KIF1A: variants seen among roughly 807,000 people sequenced by gnomAD.
The protein encoded by KIF1A is kinesin-like protein KIF1A.
A neutral mutation model predicts 227.3 loss-of-function variants in KIF1A; 46 were observed. The observed-to-expected ratio is 0.20, with a 90% CI of 0.16 to 0.26. The LOEUF is 0.26. Among genes scored for constraint, KIF1A ranks in the 10% least tolerant of loss-of-function variants. KIF1A has a pLI of 1.00. For synonymous variants in KIF1A, 1,022 were observed against 1,012.8 expected (o/e 1.01, Z -0.17); for missense variants, 1,683 against 2,485.9 (o/e 0.68, Z 6.87).
In KIF1A at chr2:240,769,653, C is replaced by T; in HGVS notation, c.1395G>A (p.Arg465=). The stretch of plus-strand genomic sequence containing the variant: ...TCTCCATCCGGATGGCTTCTGTCCG[C>T]CGCAGCTTCTCCTCCCAGGTCTCAT... ...ELNETWEEKL[R]RTEAIRMERE... is the part of the protein sequence containing the mutation. The change falls in exon 16 of 49, where the codon CGG becomes CGA. Residue 465 remains arginine, a synonymous_variant. Coordinates refer to ENST00000498729, the MANE Select transcript of KIF1A (RefSeq NM_001244008.2). 2 of 1,613,510 alleles carry T rather than the reference C, an allele frequency of 1.2e-6. No homozygotes were observed. The highest frequency in any genetic ancestry group is 1.7e-6 in the Non-Finnish European group (2 of 1,179,760).
intron 10 of KIF1A, among the ~76,000 whole-genome samples, chr2:240,780,143 G>A (rs1685008980): frequency 1.3e-5 from 2 of 151,480 alleles, no homozygotes; most frequent in Admixed American, 6.6e-5. Context: ...CAGATCCCCC[G>A]AGTCCCTGAC....
intron 38 of KIF1A, among the ~76,000 whole-genome samples, chr2:240,728,170 G>C (rs1030713645): frequency 1.3e-5 from 2 of 152,224 alleles, no homozygotes; most frequent in African/African-American, 4.8e-5. Context: ...GGTCTGGGAC[G>C]CAGGGCATGG....
At chr2:240,737,020 G>A (rs1437013861) in intron 38 of KIF1A, 43 bp downstream of exon 38, 2 of 1,510,546 alleles carry the variant, frequency 1.3e-6, no homozygotes, top group Non-Finnish European at 1.8e-6. Flanking sequence ...TGGCAGGCTG[G>A]GAACATGCCC....
intron 28 of KIF1A, among the ~76,000 whole-genome samples, chr2:240,748,093 G>A (rs1348851192): frequency 6.6e-6 from 1 of 152,244 alleles, no homozygotes; most frequent in Non-Finnish European, 1.5e-5. Flanking sequence ...GTTGTAGGAT[G>A]GCCGGCAGGA....
chr2:240,722,312 C>T, intron 43 of KIF1A, 144 bp downstream of exon 43: 1 of 764,672 alleles, frequency 1.3e-6, no homozygotes, highest in East Asian at 2.7e-5. Flanking sequence ...CAAGGGGACC[C>T]TAGGGACCCC....
rs531759848 is a variant in KIF1A, at chr2:240,800,292, G to A, written c.-60-2480C>T. Among the ~76,000 whole-genome samples the A allele has an allele frequency of 3.3e-4, 51 of 152,306 alleles. 1 individual carries two copies. The South Asian group carries it at 7.1e-3, about 21-fold the overall frequency. On this transcript the variant is annotated intron_variant, in intron 1 of 48. Coordinates refer to ENST00000498729, the MANE Select transcript of KIF1A (RefSeq NM_001244008.2). ...AGGACACAGAGAAGCCTCTGTTCTT[G>A]GCTCTGGGGTATGGAATATGCACAC...
rs777894370 is a variant in KIF1A at position 240,769,685 on chromosome 2, C to G, written c.1363G>C (p.Glu455Gln). Residue 455 changes from glutamate (E) to glutamine (Q), a missense_variant, in exon 16 of 49, where the codon GAG (glutamate) becomes CAG (glutamine). Transcript: ENST00000498729. Reference sequence around the variant, plus strand: ...TTCTCCTCCCAGGTCTCATTGAGCTCAGCTATGATCTTCTCTGTTTCCTGG... The same window carrying G: ...TTCTCCTCCCAGGTCTCATTGAGCTGAGCTATGATCTTCTCTGTTTCCTGG... ...RLKETEKIIA[E>Q]LNETWEEKLR... 1.1e-5 allele frequency: 18 copies of G among 1,613,448 alleles called. No individual in the cohort carries two copies. Among genetic ancestry groups the G allele is most frequent in the African/African-American group, 2.7e-5 (2 of 74,938 alleles).
In KIF1A at chr2:240,788,136, A is replaced by G. The variant is rs767502189; in HGVS notation, c.278T>C (p.Ile93Thr). 6.2e-7 allele frequency: 1 copy of G among 1,612,968 alleles called. No homozygotes were observed. Among genetic ancestry groups the G allele is most frequent in the Non-Finnish European group, 8.5e-7 (1 of 1,179,598 alleles). The part of the protein sequence containing the change: ...QHAFEGYNVC[I>T]FAYGQTGAGK... ...GGCACCCGTCTGCCCATAGGCGAAG[A>G]TGCACACGTTGTATCCCTCAAAGGC... is the stretch of plus-strand genomic sequence containing the variant. Residue 93 changes from isoleucine (I) to threonine (T), a missense_variant, in exon 4 of 49, where the codon ATC (isoleucine) becomes ACC (threonine). By Grantham distance (89) the Ile-to-Thr change is moderately conservative. Coordinates refer to ENST00000498729, the MANE Select transcript of KIF1A (RefSeq NM_001244008.2). The surrounding 1 kb of genome is among the most constrained non-coding windows in gnomAD (Gnocchi z 6.6).
chr2:240,725,418 G>C lies in KIF1A; in HGVS notation c.4123-14C>G, dbSNP rs1423163240. ...GCAGTTCTCCATCTGAGATAGGCGG[G>C]AGCAGGACTCAGGCACAAGGACACC... On this transcript the variant is annotated splice_polypyrimidine_tract_variant and intron_variant, in intron 39 of 48. Transcript: ENST00000498729. The surrounding 1 kb of genome is among the most constrained non-coding windows in gnomAD (Gnocchi z 5.8). 1 of 1,611,332 alleles carries C rather than the reference G, an allele frequency of 6.2e-7. No homozygotes were observed. The highest frequency in any genetic ancestry group is 2.2e-5 in the East Asian group (1 of 44,838).
intron 15 of KIF1A, among the ~76,000 whole-genome samples, chr2:240,770,530 C>A (rs1405509040): frequency 6.6e-6 from 1 of 152,158 alleles, no homozygotes; most frequent in East Asian, 1.9e-4. Flanking sequence ...GACGAGACTC[C>A]TCTCCACCCA....
At chr2:240,776,001 C>T (rs1422930245) in intron 10 of KIF1A, 75 bp from the exon 11 acceptor site, 1 of 1,014,958 alleles carries the variant, frequency 9.9e-7, no homozygotes, top group African/African-American at 1.6e-5. Flanking sequence ...CAGCGCAGGC[C>T]CTGCCAAGTG....
chr2:240,797,331 G>C (rs2056510536), intron 2 of KIF1A, among the ~76,000 whole-genome samples: 1 of 152,190 alleles, frequency 6.6e-6, no homozygotes, highest in Non-Finnish European at 1.5e-5. Flanking sequence ...TGCAAGCCAA[G>C]GTGGCTGGCA....
At chr2:240,800,556 G>A (rs2056883422) in intron 1 of KIF1A, among the ~76,000 whole-genome samples, 1 of 152,234 alleles carries the variant, frequency 6.6e-6, no homozygotes. Context: ...AGTCTTCCCA[G>A]ACAGAGAGCC....
At chr2:240,745,284 C>G in intron 32 of KIF1A, 143 bp downstream of exon 32, 1 of 724,406 alleles carries the variant, frequency 1.4e-6, no homozygotes, top group Non-Finnish European at 2.4e-6. Flanking sequence ...GCTCCTACAC[C>G]CTGCCTGGCA....
rs1475414889 is a variant in KIF1A, at chr2:240,783,050, A to T, written c.858T>A (p.Ala286=). The T allele has an allele frequency of 1.2e-6, 2 of 1,613,020 alleles. No individual in the cohort carries two copies. The highest frequency in any genetic ancestry group is 2.7e-5 in the African/African-American group (2 of 74,892). The change falls in exon 9 of 49, where the codon GCT becomes GCA. Residue 286 remains alanine (A), a synonymous_variant. Coordinates refer to ENST00000498729, the MANE Select transcript of KIF1A (RefSeq NM_001244008.2). ...TTLGKVISAL[A]EMDSGPNKNK... ...GCCGGGCCGGGCCACTCACCATTTCAGCCAGGGCGGAGATGACCTTGCCCA... is the reference window on the plus strand; with the variant it reads ...GCCGGGCCGGGCCACTCACCATTTCTGCCAGGGCGGAGATGACCTTGCCCA...
chr2:240,742,845 AT>A, intron 34 of KIF1A, 83 bp downstream of exon 34: 1 of 1,247,780 alleles, frequency 8.0e-7, no homozygotes, highest in Non-Finnish European at 1.1e-6. Context: ...AGAGGACAGC[AT>A]TCACTGCGGG....
intron 41 of KIF1A, 48 bp downstream of exon 41, chr2:240,723,927 G>T (rs750761127): frequency 5.3e-6 from 8 of 1,515,926 alleles, no homozygotes; most frequent in Non-Finnish European, 7.3e-6. Context: ...GTGGGCAGAG[G>T]TTGAGCAGGC....
At chr2:240,779,048 TCACTCAGTTCCA>T (rs2053169206) in intron 10 of KIF1A, among the ~76,000 whole-genome samples, 1 of 145,918 alleles carries the variant, frequency 6.9e-6, no homozygotes, top group Non-Finnish European at 1.5e-5. Flanking sequence ...ACTCAGTCCC[TCACTCAGTTCCA>T]CACTCAGTTC....
intron 47 of KIF1A, among the ~76,000 whole-genome samples, 189 bp from the exon 48 acceptor site, chr2:240,718,357 G>A (rs574025292): frequency 4.6e-5 from 7 of 152,312 alleles, no homozygotes; most frequent in African/African-American, 1.4e-4. Context: ...ACGCATCTGC[G>A]GCCGGTGGTC....
Sources: gnomAD v4.1 joint callset for allele counts (sites outside exome capture counted in the v4.1 genomes callset) on GRCh38, gnomAD v4.1.1 for gene constraint, Gnocchi (gnomAD v3.1) non-coding constraint, MANE v1.5 for transcripts, NCBI Gene and HGNC (gene_info 2026-07-23, HGNC 2026-07-21) for gene names.